CLEC2D: variants seen among roughly 807,000 people sequenced by gnomAD.
CLEC2D encodes C-type lectin related f.
In CLEC2D, 16 loss-of-function variants were observed where a neutral mutation model predicts 20.0. The observed-to-expected ratio is 0.80, with a 90% confidence interval of 0.54 to 1.22. The LOEUF (loss-of-function observed/expected upper bound fraction) is 1.22. CLEC2D is among the 50% of genes most tolerant of loss of function. The probability of loss-of-function intolerance (pLI) is 0.00; values close to 1 mark genes in which losing one functional copy is unlikely to be tolerated. For missense variants in CLEC2D, 207 were observed against 221.5 expected (o/e 0.93, Z 0.42); for synonymous variants, 77 against 71.1 (o/e 1.08, Z -0.42).
At chr12:9,671,489 G>A (rs1045957946) in intron 1 of CLEC2D, among the ~76,000 whole-genome samples, 3 of 152,180 alleles carry the variant, frequency 2.0e-5, no homozygotes, top group African/African-American at 7.2e-5. Flanking sequence ...CAAACTGCTG[G>A]GATTACAGGC....
rs1382525594 is a variant in CLEC2D at position 9,698,024 on chromosome 12, T to C, written c.*3150T>C. 1 of 152,214 alleles carries C rather than the reference T, an allele frequency of 6.6e-6. No individual in the cohort carries two copies. The highest frequency in any genetic ancestry group is 1.5e-5 in the Non-Finnish European group (1 of 68,036). 9.4% of individuals were successfully genotyped at this position (152,214 alleles called of 1,614,324 possible). On this transcript the variant is annotated 3_prime_UTR_variant, in exon 5 of 5. Transcript: ENST00000290855. ...CATTATACACATCAAATATATACAA[T>C]AAAAAAGCACATTGGGAGATACATG...
At chr12:9,671,958 GT>G (rs776890057) in intron 1 of CLEC2D, among the ~76,000 whole-genome samples, 8 of 148,770 alleles carry the variant, frequency 5.4e-5, no homozygotes, top group East Asian at 3.9e-4. Flanking sequence ...GAGAAAGGTA[GT>G]TTTTTTTTTC....
At chr12:9,683,271 CA>C (rs1865675151) in intron 2 of CLEC2D, among the ~76,000 whole-genome samples, 1 of 148,174 alleles carries the variant, frequency 6.7e-6, no homozygotes, top group Non-Finnish European at 1.5e-5. Flanking sequence ...GGATAGATTG[CA>C]AAATTTGTCT....
In CLEC2D at chr12:9,696,128, T is replaced by C; in HGVS notation, c.*1254T>C. The C allele has an allele frequency of 1.0e-6, 1 of 970,224 alleles. No homozygotes were observed. Among genetic ancestry groups the C allele is most frequent in the East Asian group, 2.4e-5 (1 of 42,142 alleles). The allele number at this position is 970,224 out of a possible 1,614,324, so 60.1% of individuals were successfully genotyped here. ...GCAAGTATAGAAAAACGTGGTTCTC[T>C]TCCCAAAGTGGAAACCAAGTTCATC... On this transcript the variant is annotated 3_prime_UTR_variant, in exon 5 of 5. Transcript: ENST00000290855.
At chr12:9,670,773 T>A (rs988841555) in intron 1 of CLEC2D, among the ~76,000 whole-genome samples, 10 of 152,210 alleles carry the variant, frequency 6.6e-5, no homozygotes, top group African/African-American at 2.4e-4. Flanking sequence ...GGGATCTGGT[T>A]CCAATGTCAG....
chr12:9,690,584 A>G (rs1865841938), intron 3 of CLEC2D, among the ~76,000 whole-genome samples: 1 of 152,092 alleles, frequency 6.6e-6, no homozygotes, highest in Non-Finnish European at 1.5e-5. Flanking sequence ...TAGTGGTCAT[A>G]TAATGTATAA....
intron 2 of CLEC2D, among the ~76,000 whole-genome samples, chr12:9,683,239 A>T (rs747068589): frequency 6.6e-6 from 1 of 150,658 alleles, no homozygotes; most frequent in Non-Finnish European, 1.5e-5. Flanking sequence ...TGTAGATTCT[A>T]GATATTAGCT....
intron 2 of CLEC2D, among the ~76,000 whole-genome samples, chr12:9,684,687 T>C (rs938355157): frequency 4.6e-5 from 7 of 152,224 alleles, no homozygotes; most frequent in African/African-American, 1.7e-4. Flanking sequence ...TTACATTTAT[T>C]AATTTACATA....
chr12:9,692,993 G>T (rs375780896), intron 4 of CLEC2D, 62 bp downstream of exon 4: 1 of 1,596,714 alleles, frequency 6.3e-7, no homozygotes, highest in Non-Finnish European at 8.6e-7. Flanking sequence ...TAAATCTGAA[G>T]TGTTCTCTAG....
chr12:9,669,849 G>A (rs944579834), intron 1 of CLEC2D, 54 bp downstream of exon 1: 16 of 1,370,776 alleles, frequency 1.2e-5, no homozygotes, highest in Admixed American at 8.4e-5. Context: ...GGAAGGTAGT[G>A]GTAGTGATGG....
rs747196455 is a variant in CLEC2D at position 9,671,142 on chromosome 12, GAGAA to G, written c.61+1352_61+1355del. Among the ~76,000 whole-genome samples the G allele has an allele frequency of 5.3e-5, 8 of 152,130 alleles. No homozygotes were observed. The East Asian group carries it at 1.3e-3, about 26-fold the overall frequency. ...TAAGCTCATGTGGCAGACGGACAGTGAGAAAGAAGAAAAAAAAAGCAAGAGGTTT... is the reference window on the plus strand; with the variant it reads ...TAAGCTCATGTGGCAGACGGACAGTGAGAAGAAAAAAAAAGCAAGAGGTTT... On this transcript the variant is annotated intron_variant, in intron 1 of 4. Transcript: ENST00000290855.
intron 1 of CLEC2D, among the ~76,000 whole-genome samples, chr12:9,670,078 ATC>A (rs1865379943): frequency 6.6e-6 from 1 of 152,220 alleles, no homozygotes. Flanking sequence ...CTAAAAAAAA[ATC>A]TATACAAACT....
At chr12:9,683,322 G>GTTTTTT (rs1226655704) in intron 2 of CLEC2D, among the ~76,000 whole-genome samples, 1 of 80,880 alleles carries the variant, frequency 1.2e-5, no homozygotes. Flanking sequence ...ATGATAGTTT[G>GTTTTTT]TTTTTTGTGT....
chr12:9,693,967 GGCTTTT>G, intron 4 of CLEC2D: 1 of 176,488 alleles, frequency 5.7e-6, no homozygotes, highest in Non-Finnish European at 1.0e-5. Flanking sequence ...CACCTTGCTT[GGCTTTT>G]TTTTTTTTTT....
rs1866034851 is a variant in CLEC2D at position 9,697,893 on chromosome 12, TTGA to T, written c.*3023_*3025del. 1 of 152,212 alleles carries T rather than the reference TTGA, an allele frequency of 6.6e-6. No individual in the cohort carries two copies. The highest frequency in any genetic ancestry group is 2.4e-5 in the African/African-American group (1 of 41,540). The allele number at this position is 152,212 out of a possible 1,614,324, so 9.4% of individuals were successfully genotyped here. On this transcript the variant is annotated 3_prime_UTR_variant, in exon 5 of 5. Coordinates refer to ENST00000290855, the MANE Select transcript of CLEC2D (RefSeq NM_013269.6). ...TAGTATTGCACTGTGTACTGAAAAC[TTGA>T]TGACAGATTTTAGATATTCTTACCA...
intron 2 of CLEC2D, among the ~76,000 whole-genome samples, chr12:9,687,324 A>T (rs780690037): frequency 1.3e-5 from 2 of 152,306 alleles, no homozygotes; most frequent in East Asian, 3.9e-4. Context: ...GAAGTTCCCA[A>T]TAGGGTTTGC....
At chr12:9,673,077 C>G (rs1454147918) in intron 1 of CLEC2D, among the ~76,000 whole-genome samples, 1 of 152,192 alleles carries the variant, frequency 6.6e-6, no homozygotes, top group Non-Finnish European at 1.5e-5. Context: ...GTTTATCCAT[C>G]TCAGCTTCAG....
chr12:9,677,718 T>C (rs1363781623), intron 1 of CLEC2D, among the ~76,000 whole-genome samples: 1 of 150,288 alleles, frequency 6.7e-6, no homozygotes, highest in Non-Finnish European at 1.5e-5. Context: ...TTTTTTTTTT[T>C]TTTTTTTTTT....
Position 9,697,635 on chromosome 12 carries a change from A to G in CLEC2D, c.*2761A>G, listed in dbSNP as rs185314884. The G allele has an allele frequency of 9.9e-5, 15 of 152,230 alleles. No individual in the cohort carries two copies. The highest frequency in any genetic ancestry group is 8.5e-4 in the Admixed American group (13 of 15,278). The allele number at this position is 152,230 out of a possible 1,614,324, so 9.4% of individuals were successfully genotyped here. On this transcript the variant is annotated 3_prime_UTR_variant, in exon 5 of 5. Transcript: ENST00000290855. Reference sequence around the variant, plus strand: ...CTGTTATTTGAAACAATGTAAATAAACCTATAGGGTTTATTATATATACTA... The same window carrying G: ...CTGTTATTTGAAACAATGTAAATAAGCCTATAGGGTTTATTATATATACTA...
Sources: gnomAD v4.1 joint callset for allele counts (sites outside exome capture counted in the v4.1 genomes callset) on GRCh38, gnomAD v4.1.1 for gene constraint, MANE v1.5 for transcripts, NCBI Gene and HGNC (gene_info 2026-07-23, HGNC 2026-07-21) for gene names.